The following PLP1 variants were observed in gnomAD, a reference collection of about 807,000 sequenced individuals.
PLP1 encodes the protein myelin proteolipid protein.
Under a neutral mutation model 18.5 loss-of-function variants are expected in PLP1, and 2 were observed. The ratio of observed to expected loss-of-function variants is 0.11; its 90% CI spans 0.04 to 0.34. The LOEUF is 0.34. PLP1 is among the 10% of genes least tolerant of loss of function. The pLI, the probability that PLP1 is intolerant of heterozygous loss-of-function variation, is 1.00. For missense variants in PLP1, 105 were observed against 207.3 expected, an observed-to-expected ratio of 0.51 and a Z score of 3.03; for synonymous variants, 86 against 83.2, an observed-to-expected ratio of 1.03 and a Z score of -0.19.
Position 103,788,478 on chromosome X carries a change from T to C in PLP1, c.664T>C (p.Ser222Pro). Residue 222 changes from serine to proline, a missense_variant, in exon 5 of 7, where the codon TCC (serine) becomes CCC (proline). Ser to Pro is a moderately conservative substitution (Grantham distance 74). Transcript: ENST00000621218. ...TGCTTTCCCTGGCAAGGTTTGTGGCTCCAACCTTCTGTCCATCTGCAAAAC... is the reference window on the plus strand; with the variant it reads ...TGCTTTCCCTGGCAAGGTTTGTGGCCCCAACCTTCTGTCCATCTGCAAAAC... ...WNAFPGKVCG[S>P]NLLSICKTAE... The C allele has an allele frequency of 8.3e-7, 1 of 1,209,179 alleles. No homozygotes were observed. Among genetic ancestry groups the C allele is most frequent in the Non-Finnish European group, 1.1e-6 (1 of 892,956 alleles).
At chrX:103,787,549 C>T (rs1400365091) in intron 3 of PLP1, 3 of 432,647 alleles carry the variant, frequency 6.9e-6, no homozygotes, top group East Asian at 3.8e-5. Context: ...TGAAGCCTCT[C>T]TAACCCAGGG....
chrX:103,784,185 G>T (rs182508622), intron 1 of PLP1, among the ~76,000 whole-genome samples: 1 of 111,560 alleles, frequency 9.0e-6, no homozygotes, highest in African/African-American at 3.3e-5. Context: ...TGCCTCTCCT[G>T]TTTCTCAGCA....
At position 103,787,787 on chromosome X, in the gene PLP1, A is replaced by C. The variant is rs778127363; in HGVS notation, c.454-11A>C. The C allele has an allele frequency of 8.3e-7, 1 of 1,202,666 alleles. No homozygotes were observed. Among genetic ancestry groups the C allele is most frequent in the Non-Finnish European group, 1.1e-6 (1 of 887,772 alleles). Reference sequence around the variant, plus strand: ...TGCTGATTTCTAACCACCCCATGTCAATCATTTTAGTTTGTGGGCATCACC... The same window carrying C: ...TGCTGATTTCTAACCACCCCATGTCCATCATTTTAGTTTGTGGGCATCACC... On this transcript the variant is annotated splice_polypyrimidine_tract_variant and intron_variant, in intron 3 of 6. Coordinates refer to ENST00000621218, the MANE Select transcript of PLP1 (RefSeq NM_000533.5).
chrX:103,777,050 A>C, intron 1 of PLP1, 51 bp downstream of exon 1: 2 of 1,118,579 alleles, frequency 1.8e-6, no homozygotes, highest in Non-Finnish European at 2.5e-6. Context: ...ACAGGAATTC[A>C]CAAGAGAATT....
At chrX:103,783,956 T>C (rs2074474165) in intron 1 of PLP1, among the ~76,000 whole-genome samples, 1 of 112,261 alleles carries the variant, frequency 8.9e-6, no homozygotes, top group Non-Finnish European at 1.9e-5. Context: ...TATTTATATA[T>C]ATACATACAT....
Position 103,792,591 on chromosome X carries a change from A to G in PLP1, c.*1993A>G, listed in dbSNP as rs1041379403. On this transcript the variant is annotated 3_prime_UTR_variant, in exon 7 of 7. Coordinates refer to ENST00000621218, the MANE Select transcript of PLP1 (RefSeq NM_000533.5). The stretch of plus-strand genomic sequence containing the variant: ...AAAGTGTATTTTATAAAATTAAAGA[A>G]AATAAAATTAAGAATGTTCTCAATC... 2 of 112,658 alleles carry G rather than the reference A, an allele frequency of 1.8e-5. No individual in the cohort carries two copies. Among genetic ancestry groups the G allele is most frequent in the African/African-American group, 6.5e-5 (2 of 30,936 alleles). 9.3% of individuals were successfully genotyped at this position (112,658 alleles called of 1,213,427 possible). A position where few individuals can be genotyped will look rare whatever the true frequency, so the allele number is the denominator to read the frequency against.
Position 103,790,848 on chromosome X carries a change from A to T in PLP1, c.*250A>T, listed in dbSNP as rs2074539446. ...GAAATGGGAAATGCCTAAGAAGATG[A>T]CTTCCCAACTGCAAGTCACAAAGGA... On this transcript the variant is annotated 3_prime_UTR_variant, in exon 7 of 7. Coordinates refer to ENST00000621218, the MANE Select transcript of PLP1 (RefSeq NM_000533.5). 7.5e-6 allele frequency: 3 copies of T among 398,045 alleles called. No homozygotes were observed. Among genetic ancestry groups the T allele is most frequent in the Non-Finnish European group, 1.3e-5 (3 of 227,828 alleles). 32.8% of individuals were successfully genotyped at this position (398,045 alleles called of 1,213,427 possible).
intron 4 of PLP1, 123 bp from the exon 5 acceptor site, chrX:103,788,314 T>C (rs955163403): frequency 4.5e-5 from 27 of 595,217 alleles, no homozygotes; most frequent in Non-Finnish European, 7.7e-5. Context: ...ATCCTGATTG[T>C]TGGTAGAATC....
At chrX:103,780,285 G>A (rs774205144) in intron 1 of PLP1, 3 of 112,620 alleles carry the variant, frequency 2.7e-5, no homozygotes, top group South Asian at 3.6e-4. Context: ...GGCTACTATT[G>A]TCTCTAGTAC....
intron 2 of PLP1, 142 bp downstream of exon 2, chrX:103,785,910 A>T (rs1313701356): frequency 1.4e-6 from 1 of 717,576 alleles, no homozygotes; most frequent in African/African-American, 2.1e-5. Context: ...CTCTGTGCAG[A>T]TCTCTCCTGC....
rs1126707 is a variant in PLP1, at chrX:103,787,953, T to C, written c.609T>C (p.Asp203=). The part of the protein sequence containing the change: ...TSASIGSLCA[D]ARMYGVLPWN... ...CCAGTATAGGCAGTCTCTGTGCTGA[T>C]GCCAGAATGTATGGTGAGTTAGGGT... The change falls in exon 4 of 7, where the codon GAT becomes GAC. Residue 203 remains aspartate, a synonymous_variant. Coordinates refer to ENST00000621218, the MANE Select transcript of PLP1 (RefSeq NM_000533.5). 0.29 allele frequency: 346,184 copies of C among 1,206,198 alleles called. 35,090 individuals are homozygous for C. Among genetic ancestry groups the C allele is most frequent in the Admixed American group, 0.38 (17,524 of 45,696 alleles).
chrX:103,788,910 T>C, intron 5 of PLP1: 1 of 274,352 alleles, frequency 3.6e-6, no homozygotes, highest in Non-Finnish European at 6.5e-6. Context: ...TTATCTCAAA[T>C]GAGAGGTAAA....
intron 5 of PLP1, 27 bp downstream of exon 5, chrX:103,788,537 C>T (rs1329459275): frequency 9.4e-7 from 1 of 1,061,764 alleles, no homozygotes; most frequent in African/African-American, 1.8e-5. Context: ...GGTTATTTTA[C>T]AAGGGAGTAG....
chrX:103,779,048 A>G (rs2074432491), intron 1 of PLP1, among the ~76,000 whole-genome samples: 1 of 112,410 alleles, frequency 8.9e-6, no homozygotes, highest in Admixed American at 9.4e-5. Context: ...AGCAAGGAGG[A>G]ACACTGATTC....
rs1222307768 is a variant in PLP1, at chrX:103,786,850, G to A, written c.453+124G>A. Reference sequence around the variant, plus strand: ...GGGCCTGGCATTTGAGTGAGGAAGCGATGGCTGCAGCCGAACGAGAAGGTC... The same window carrying A: ...GGGCCTGGCATTTGAGTGAGGAAGCAATGGCTGCAGCCGAACGAGAAGGTC... On this transcript the variant is annotated intron_variant, in intron 3 of 6. Transcript: ENST00000621218. The A allele has an allele frequency of 2.3e-5, 17 of 728,005 alleles. No homozygotes were observed. In the South Asian group the frequency reaches 3.2e-4, roughly 14 times the overall value. The allele number at this position is 728,005 out of a possible 1,213,427, so 60.0% of individuals were successfully genotyped here. A position where few individuals can be genotyped will look rare whatever the true frequency, so the allele number is the denominator to read the frequency against.
rs1184609809 is a variant in PLP1, at chrX:103,792,534, A to T, written c.*1936A>T. 1 of 112,958 alleles carries T rather than the reference A, an allele frequency of 8.9e-6. No individual in the cohort carries two copies. The highest frequency in any genetic ancestry group is 3.2e-5 in the African/African-American group (1 of 31,033). The allele number at this position is 112,958 out of a possible 1,213,427, so 9.3% of individuals were successfully genotyped here. A position where few individuals can be genotyped will look rare whatever the true frequency, so the allele number is the denominator to read the frequency against. ...ATATAGAATTGCAATTTTAACACAC[A>T]TAAAGGATAAACTTTTAGAAACTTA... On this transcript the variant is annotated 3_prime_UTR_variant, in exon 7 of 7. Coordinates refer to ENST00000621218, the MANE Select transcript of PLP1 (RefSeq NM_000533.5).
At position 103,790,524 on chromosome X, in the gene PLP1, C is replaced by T. The variant is rs774443520; in HGVS notation, c.763-3C>T. ...TTCACATTCTCTCTTCTGTTCCCTA[C>T]AGCTCACCTTCATGATTGCTGCCAC... On this transcript the variant is annotated splice_region_variant and splice_polypyrimidine_tract_variant and intron_variant, in intron 6 of 6. Transcript: ENST00000621218. 11 of 1,199,023 alleles carry T rather than the reference C, an allele frequency of 9.2e-6. No individual in the cohort carries two copies. The highest frequency in any genetic ancestry group is 1.2e-5 in the Non-Finnish European group (11 of 883,693).
chrX:103,790,261 G>C (rs2074533849), intron 6 of PLP1, among the ~76,000 whole-genome samples: 2 of 112,414 alleles, frequency 1.8e-5, no homozygotes, highest in Admixed American at 1.9e-4. Context: ...CTCAGTGCTA[G>C]ATCAAACAGA....
At chrX:103,785,992 C>CCCGGG in intron 2 of PLP1, 1 of 694,147 alleles carries the variant, frequency 1.4e-6, no homozygotes, top group Non-Finnish European at 2.1e-6. Flanking sequence ...CCCCCGCCCC[C>CCCGGG]TTGTTTTCTT....
Sources: gnomAD v4.1 joint callset for allele counts (sites outside exome capture counted in the v4.1 genomes callset) on GRCh38, gnomAD v4.1.1 for gene constraint, MANE v1.5 for transcripts, NCBI Gene and HGNC (gene_info 2026-07-23, HGNC 2026-07-21) for gene names.